Variants in BCL9L observed in about 807,000 individuals in gnomAD.
BCL9L encodes BCL9 like.
Under a neutral mutation model 99.4 loss-of-function variants are expected in BCL9L, and 19 were observed. The ratio of observed to expected loss-of-function variants is 0.19; its 90% CI spans 0.13 to 0.28. The LOEUF (loss-of-function observed/expected upper bound fraction) is 0.28, where lower values mean the gene tolerates loss of function less well. BCL9L is among the 10% of genes least tolerant of loss of function. The pLI is 1.00. For missense variants in BCL9L, 2,023 were observed against 2,101.6 expected, an observed-to-expected ratio of 0.96 and a Z score of 0.73; for synonymous variants, 900 against 854.8, an observed-to-expected ratio of 1.05 and a Z score of -0.92.
chr11:118,901,977 G>A lies in BCL9L; in HGVS notation c.1766C>T (p.Pro589Leu). Residue 589 changes from proline to leucine, a missense_variant, in exon 8 of 10, where the codon CCC becomes CTC. Transcript: ENST00000683865. The surrounding 1 kb of genome is among the most constrained non-coding windows in gnomAD (Gnocchi z 6.6). ...QLRGPMDVQD[P>L]MQLRGGPPFP... Reference sequence around the variant, plus strand: ...GGGAGGTCCGCCCCGGAGCTGCATGGGATCTTGAACATCCATGGGCCCCCG... The same window carrying A: ...GGGAGGTCCGCCCCGGAGCTGCATGAGATCTTGAACATCCATGGGCCCCCG... The A allele has an allele frequency of 3.1e-6, 5 of 1,613,030 alleles. No individual in the cohort carries two copies. Among genetic ancestry groups the A allele is most frequent in the Non-Finnish European group, 3.4e-6 (4 of 1,179,804 alleles).
rs887927897 is a variant in BCL9L, at chr11:118,903,650, T to C, written c.533-198A>G. 2.0e-5 allele frequency among the ~76,000 whole-genome samples: 3 copies of C among 152,040 alleles called. No individual in the cohort carries two copies. The highest frequency in any genetic ancestry group is 6.5e-5 in the Admixed American group (1 of 15,268). On this transcript the variant is annotated intron_variant, in intron 5 of 9. Transcript: ENST00000683865. The surrounding 1 kb of genome is among the most constrained non-coding windows in gnomAD (Gnocchi z 5.6). ...ATGTGGAGAGCAGGGACAGAGAAAA[T>C]GTGTCCTCTCCACAGGCTCCCATGG...
chr11:118,909,233 G>A (rs1308122610), intron 3 of BCL9L, among the ~76,000 whole-genome samples: 3 of 152,064 alleles, frequency 2.0e-5, no homozygotes, highest in African/African-American at 7.2e-5. Flanking sequence ...GGCAGGCCAG[G>A]CCGGCAGGCA....
rs1457533503 is a variant in BCL9L at position 118,925,856 on chromosome 11, C to T, written c.-749G>A. On this transcript the variant is annotated 5_prime_UTR_variant, in exon 1 of 10. Transcript: ENST00000683865. This position sits in a 1 kb window ranked among gnomAD's most constrained non-coding sequence, Gnocchi z 6.4. ...CCACTGGCTCCGCCGCGCGCCGCCG[C>T]CTCCCCGGGCTCCCCTGCGCTGCCG... Among the ~76,000 whole-genome samples, 2 of 151,450 alleles carry T rather than the reference C, an allele frequency of 1.3e-5. No individual in the cohort carries two copies. Among genetic ancestry groups the T allele is most frequent in the African/African-American group, 4.8e-5 (2 of 41,352 alleles).
In BCL9L at chr11:118,899,372, C is replaced by A; in HGVS notation, c.3543G>T (p.Leu1181=). The A allele has an allele frequency of 6.3e-7, 1 of 1,581,490 alleles. No individual in the cohort carries two copies. The highest frequency in any genetic ancestry group is 1.3e-5 in the African/African-American group (1 of 74,140). ...PPAMLPSPTP[L]GSNIPLHPNA... is the part of the protein sequence containing the mutation. ...TGGGATGCAGTGGAATGTTGGAGCCCAGAGGGGTGGGGGAGGGCAGCATGG... is the reference window on the plus strand; with the variant it reads ...TGGGATGCAGTGGAATGTTGGAGCCAAGAGGGGTGGGGGAGGGCAGCATGG... Residue 1181 remains leucine, a synonymous_variant, in exon 10 of 10, where the codon CTG becomes CTT. Transcript: ENST00000683865.
chr11:118,905,672 C>A (rs1277221764), intron 5 of BCL9L, among the ~76,000 whole-genome samples: 1 of 151,432 alleles, frequency 6.6e-6, no homozygotes, highest in East Asian at 1.9e-4. Context: ...CAAAAATTAG[C>A]CAGGCGTGGT....
At chr11:118,917,175 A>G (rs2134436690) in intron 2 of BCL9L, among the ~76,000 whole-genome samples, 1 of 152,224 alleles carries the variant, frequency 6.6e-6, no homozygotes, top group Middle Eastern at 3.4e-3. Context: ...GAATCCAGGA[A>G]TCTGGAGTGT....
chr11:118,900,575 C>CGCCTGCCTGCCTGCCT lies in BCL9L; in HGVS notation c.3124+28_3124+43dup, dbSNP rs756712665. ...GCCCCAGCATGGACACACTGCTCAG[C>CGCCTGCCTGCCTGCCT]GCCTGCCTGCCTGCCTGCCTGCCTG... On this transcript the variant is annotated intron_variant, in intron 8 of 9. Transcript: ENST00000683865. The surrounding 1 kb of genome is among the most constrained non-coding windows in gnomAD (Gnocchi z 5.3). 2.7e-4 allele frequency: 413 copies of CGCCTGCCTGCCTGCCT among 1,558,132 alleles called. 2 individuals carry two copies. The East Asian group carries it at 8.1e-3, about 31-fold the overall frequency.
chr11:118,905,805 G>A (rs1940492974), intron 5 of BCL9L, among the ~76,000 whole-genome samples: 1 of 151,492 alleles, frequency 6.6e-6, no homozygotes, highest in Admixed American at 6.6e-5. Context: ...CAACAAGAGT[G>A]AAACTCCGAT....
chr11:118,923,843 C>T (rs2134448345), intron 1 of BCL9L, among the ~76,000 whole-genome samples: 1 of 152,344 alleles, frequency 6.6e-6, no homozygotes, highest in South Asian at 2.1e-4. Flanking sequence ...TGGCACCAGC[C>T]TCCCAGTCTC....
chr11:118,907,368 G>A (rs570254331), intron 5 of BCL9L, 115 bp downstream of exon 5: 1 of 1,536,930 alleles, frequency 6.5e-7, no homozygotes, highest in East Asian at 2.3e-5. Context: ...GAGGTAGGAT[G>A]GGAGAGAAAA....
intron 1 of BCL9L, among the ~76,000 whole-genome samples, chr11:118,919,805 T>A (rs1385502827): frequency 1.3e-5 from 2 of 152,200 alleles, no homozygotes; most frequent in East Asian, 3.8e-4. Flanking sequence ...TGGTTCCACA[T>A]GGCCCCGTCT....
At chr11:118,924,018 C>T (rs2134448588) in intron 1 of BCL9L, among the ~76,000 whole-genome samples, 1 of 152,228 alleles carries the variant, frequency 6.6e-6, no homozygotes, top group East Asian at 1.9e-4. Flanking sequence ...CCGGCCCATG[C>T]TGAGAGGCAG....
rs1254644437 is a variant in BCL9L, at chr11:118,900,750, G to A, written c.2993C>T (p.Pro998Leu). The A allele has an allele frequency of 6.2e-7, 1 of 1,613,858 alleles. No homozygotes were observed. Among genetic ancestry groups the A allele is most frequent in the South Asian group, 1.1e-5 (1 of 91,082 alleles). Residue 998 changes from proline (P) to leucine (L), a missense_variant, in exon 8 of 10, where the codon CCT becomes CTT. By Grantham distance (98) the Pro-to-Leu change is moderately conservative. Around this residue, in one of 3 missense-constraint regions of BCL9L, gnomAD observed 902 missense variants for 888.2 expected, o/e 1.02. Coordinates refer to ENST00000683865, the MANE Select transcript of BCL9L (RefSeq NM_001378213.1). This position sits in a 1 kb window ranked among gnomAD's most constrained non-coding sequence, Gnocchi z 5.3. ...GCCTGGAGAAGGCACCGCCATGGAA[G>A]GAGACTTGAGCCTGCTGGGCGAGCC... Reference protein sequence around the residue: ...PTGSPSRLKSPSMAVPSPGWV... With the variant: ...PTGSPSRLKSLSMAVPSPGWV...
chr11:118,920,049 C>T (rs147663091), intron 1 of BCL9L, among the ~76,000 whole-genome samples: 6 of 152,312 alleles, frequency 3.9e-5, no homozygotes, highest in African/African-American at 1.4e-4. Flanking sequence ...GTAAAAGGGA[C>T]AGCTTATCCT....
chr11:118,920,624 C>T (rs1321329761), intron 1 of BCL9L, among the ~76,000 whole-genome samples: 15 of 152,184 alleles, frequency 9.9e-5, no homozygotes, highest in Admixed American at 9.8e-4. Flanking sequence ...CCTTTCCCCA[C>T]CCCTTTTCCT....
In BCL9L at chr11:118,903,988, T is replaced by A. The variant is rs573162328; in HGVS notation, c.533-536A>T. Among the ~76,000 whole-genome samples, 5 of 152,330 alleles carry A rather than the reference T, an allele frequency of 3.3e-5. No individual in the cohort carries two copies. The highest frequency in any genetic ancestry group is 9.6e-5 in the African/African-American group (4 of 41,578). ...TTTTCACTCTAGCCCCACCACTAAC[T>A]GACTTTGTGATTTTATGAACCAGAC... On this transcript the variant is annotated intron_variant, in intron 5 of 9. Transcript: ENST00000683865. The surrounding 1 kb of genome is among the most constrained non-coding windows in gnomAD (Gnocchi z 5.6).
chr11:118,919,916 G>A lies in BCL9L; in HGVS notation c.-130-1037C>T, dbSNP rs114675076. 4.8e-3 allele frequency among the ~76,000 whole-genome samples: 734 copies of A among 152,290 alleles called. 7 individuals carry two copies. Among genetic ancestry groups the A allele is most frequent in the African/African-American group, 0.017 (693 of 41,544 alleles). On this transcript the variant is annotated intron_variant, in intron 1 of 9. Coordinates refer to ENST00000683865, the MANE Select transcript of BCL9L (RefSeq NM_001378213.1). ...TGCGTGTCTCAGAGACAGAGATTGAGAAACAAGCTGAAAATTCCTTGCCCA... is the reference window on the plus strand; with the variant it reads ...TGCGTGTCTCAGAGACAGAGATTGAAAAACAAGCTGAAAATTCCTTGCCCA...
At chr11:118,912,289 G>A (rs988390524) in intron 2 of BCL9L, among the ~76,000 whole-genome samples, 9 of 152,218 alleles carry the variant, frequency 5.9e-5, no homozygotes, top group African/African-American at 1.9e-4. Context: ...CTTGAGGTAC[G>A]AGAAAGCAAA....
rs754051998 is a variant in BCL9L at position 118,902,517 on chromosome 11, C to T, written c.1226G>A (p.Arg409Gln). 10 of 1,606,398 alleles carry T rather than the reference C, an allele frequency of 6.2e-6. No individual in the cohort carries two copies. Among genetic ancestry groups the T allele is most frequent in the South Asian group, 3.3e-5 (3 of 91,074 alleles). The change falls in exon 8 of 10, where the codon CGG becomes CAG. Residue 409 changes from arginine (R) to glutamine (Q), a missense_variant. Physicochemically the swap from Arg to Gln is conservative, Grantham distance 43. Coordinates refer to ENST00000683865, the MANE Select transcript of BCL9L (RefSeq NM_001378213.1). This position sits in a 1 kb window ranked among gnomAD's most constrained non-coding sequence, Gnocchi z 7.8. ...LSKEQLEHRE[R>Q]SLQTLRDIER... Reference sequence around the variant, plus strand: ...AATGTCTCGCAGCGTCTGGAGGGACCGTTCCCGATGCTCCAGCTGCTCTTT... The same window carrying T: ...AATGTCTCGCAGCGTCTGGAGGGACTGTTCCCGATGCTCCAGCTGCTCTTT...
Sources: allele counts gnomAD v4.1 joint callset (sites outside exome capture counted in the v4.1 genomes callset), GRCh38; gene constraint gnomAD v4.1.1; regional missense constraint gnomAD v4.1.1; non-coding constraint Gnocchi (gnomAD v3.1); transcripts MANE v1.5; gene names NCBI Gene and HGNC (gene_info 2026-07-23, HGNC 2026-07-21).